The following SKAP2 variants were observed in gnomAD, a reference collection of about 807,000 sequenced individuals.
The protein encoded by SKAP2 is src kinase associated phosphoprotein 2.
A neutral mutation model predicts 54.9 loss-of-function variants in SKAP2; 28 were observed. The ratio of observed to expected loss-of-function variants is 0.51; its 90% confidence interval spans 0.38 to 0.70. The LOEUF (loss-of-function observed/expected upper bound fraction) is 0.70. Among genes scored for constraint, SKAP2 ranks in the 30% least tolerant of loss-of-function variants. The pLI is 0.00. For synonymous variants in SKAP2, 137 were observed against 134.3 expected (o/e 1.02, Z -0.14); for missense variants, 356 against 424.1 (o/e 0.84, Z 1.41).
At chr7:26,691,994 C>T (rs1786794312) in intron 9 of SKAP2, among the ~76,000 whole-genome samples, 1 of 151,916 alleles carries the variant, frequency 6.6e-6, no homozygotes, top group South Asian at 2.1e-4. Flanking sequence ...AGAGAAAGGG[C>T]AGGACTGAAG....
intron 4 of SKAP2, among the ~76,000 whole-genome samples, chr7:26,756,629 G>A (rs1277746345): frequency 3.9e-5 from 6 of 152,030 alleles, no homozygotes; most frequent in Non-Finnish European, 7.4e-5. Context: ...GAGTAGTGCC[G>A]CAATAAACAT....
At chr7:26,808,501 C>A (rs1001157283) in intron 4 of SKAP2, among the ~76,000 whole-genome samples, 3 of 152,072 alleles carry the variant, frequency 2.0e-5, no homozygotes, top group African/African-American at 7.2e-5. Context: ...TTAATGGATA[C>A]AGAGTTTCCG....
chr7:26,686,297 CT>C (rs1486843813), intron 10 of SKAP2, among the ~76,000 whole-genome samples: 1 of 151,996 alleles, frequency 6.6e-6, no homozygotes, highest in African/African-American at 2.4e-5. Flanking sequence ...AATTTTGTCT[CT>C]TGTTTTCTAA....
intron 9 of SKAP2, among the ~76,000 whole-genome samples, chr7:26,715,100 A>C (rs2127951652): frequency 6.6e-6 from 1 of 152,262 alleles, no homozygotes; most frequent in East Asian, 1.9e-4. Context: ...CACAGAAAAA[A>C]CATAAAAGCC....
At chr7:26,761,090 G>C (rs1213783198) in intron 4 of SKAP2, among the ~76,000 whole-genome samples, 2 of 152,124 alleles carry the variant, frequency 1.3e-5, no homozygotes, top group African/African-American at 2.4e-5. Flanking sequence ...CAGGGAAAAC[G>C]CAACTGGTCT....
Position 26,844,051 on chromosome 7 carries a change from C to T in SKAP2, c.286G>A (p.Asp96Asn). The T allele has an allele frequency of 1.2e-6, 2 of 1,610,194 alleles. No individual in the cohort carries two copies. Among genetic ancestry groups the T allele is most frequent in the Non-Finnish European group, 1.7e-6 (2 of 1,177,044 alleles). Reference sequence around the variant, plus strand: ...ATACCATCAGAGGGGGCTTCATCGTCTTTATCATATCGTTCTGAGGCTAAT... The same window carrying T: ...ATACCATCAGAGGGGGCTTCATCGTTTTTATCATATCGTTCTGAGGCTAAT... Reference protein sequence around the residue: ...ISLASERYDKDDEAPSDGAQF... With the variant: ...ISLASERYDKNDEAPSDGAQF... The change falls in exon 4 of 13, where the codon GAC becomes AAC. Residue 96 changes from aspartate to asparagine, a missense_variant. Coordinates refer to ENST00000345317, the MANE Select transcript of SKAP2 (RefSeq NM_003930.5).
At chr7:26,787,835 C>T (rs544282033) in intron 4 of SKAP2, among the ~76,000 whole-genome samples, 22 of 152,268 alleles carry the variant, frequency 1.4e-4, no homozygotes, top group African/African-American at 4.8e-4. Flanking sequence ...CAGGCCCCAC[C>T]TCTAACAGCG....
intron 4 of SKAP2, among the ~76,000 whole-genome samples, chr7:26,823,894 TC>T (rs1784435579): frequency 6.6e-6 from 1 of 152,198 alleles, no homozygotes; most frequent in Admixed American, 6.5e-5. Context: ...GAAAGTAGTT[TC>T]TTGTGATGGG....
chr7:26,791,479 A>G (rs1181490522), intron 4 of SKAP2, among the ~76,000 whole-genome samples: 2 of 151,982 alleles, frequency 1.3e-5, no homozygotes, highest in African/African-American at 4.8e-5. Context: ...ACCAGCCTCA[A>G]TACACAATTT....
At position 26,676,314 on chromosome 7, in the gene SKAP2, C is replaced by T. The variant is rs533545156; in HGVS notation, c.988-6122G>A. Reference sequence around the variant, plus strand: ...ATTCATGTAAGAATATTTAAGTAGCCAGTGCTGGGAAAAGCCAAGATCCTT... The same window carrying T: ...ATTCATGTAAGAATATTTAAGTAGCTAGTGCTGGGAAAAGCCAAGATCCTT... On this transcript the variant is annotated intron_variant, in intron 11 of 12. Coordinates refer to ENST00000345317, the MANE Select transcript of SKAP2 (RefSeq NM_003930.5). Among the ~76,000 whole-genome samples the T allele has an allele frequency of 2.0e-5, 3 of 152,212 alleles. No homozygotes were observed. In the South Asian group the frequency reaches 6.2e-4, roughly 32 times the overall value.
intron 11 of SKAP2, among the ~76,000 whole-genome samples, chr7:26,673,254 A>G (rs1786279795): frequency 6.6e-6 from 1 of 152,090 alleles, no homozygotes; most frequent in Non-Finnish European, 1.5e-5. Flanking sequence ...TCCTTCACCT[A>G]TTCAGCTCTT....
intron 3 of SKAP2, among the ~76,000 whole-genome samples, chr7:26,846,120 T>A (rs1211801207): frequency 6.6e-6 from 1 of 152,082 alleles, no homozygotes; most frequent in Non-Finnish European, 1.5e-5. Flanking sequence ...TTAATGAAAT[T>A]AAGAATTTTT....
chr7:26,859,093 T>A (rs1785232054), intron 1 of SKAP2, among the ~76,000 whole-genome samples: 1 of 151,862 alleles, frequency 6.6e-6, no homozygotes. Context: ...TAGCCGCAGA[T>A]CAATAAAATA....
At chr7:26,684,898 CCT>C in intron 10 of SKAP2, 50 bp from the exon 11 acceptor site, 1 of 1,043,406 alleles carries the variant, frequency 9.6e-7, no homozygotes, top group Non-Finnish European at 1.5e-6. Context: ...TGTAATAACC[CCT>C]CATTTCAAAA....
chr7:26,847,501 A>T (rs560171259), intron 3 of SKAP2, among the ~76,000 whole-genome samples: 112 of 147,026 alleles, frequency 7.6e-4, no homozygotes, highest in African/African-American at 2.7e-3. Context: ...TCGATAAATT[A>T]AAAAAAAAAA....
At chr7:26,790,421 T>C (rs972177662) in intron 4 of SKAP2, among the ~76,000 whole-genome samples, 4 of 152,210 alleles carry the variant, frequency 2.6e-5, no homozygotes, top group Admixed American at 6.5e-5. Flanking sequence ...AAATCTTACA[T>C]GTGAATTTTA....
chr7:26,733,434 G>A (rs1407377124), intron 6 of SKAP2, among the ~76,000 whole-genome samples: 4 of 151,738 alleles, frequency 2.6e-5, no homozygotes, highest in Non-Finnish European at 5.9e-5. Context: ...AAAAAGGTAA[G>A]CTTTTATGGC....
chr7:26,730,367 A>G (rs1562590179), intron 6 of SKAP2, among the ~76,000 whole-genome samples: 1 of 152,216 alleles, frequency 6.6e-6, no homozygotes, highest in African/African-American at 2.4e-5. Context: ...TGAAAGACTA[A>G]TATTTTATCT....
intron 4 of SKAP2, among the ~76,000 whole-genome samples, chr7:26,756,252 T>A (rs977824204): frequency 2.6e-5 from 4 of 152,214 alleles, no homozygotes; most frequent in African/African-American, 9.6e-5. Flanking sequence ...TATGTAAACA[T>A]CTGCCATGCT....
Sources: gnomAD v4.1 joint callset for allele counts (sites outside exome capture counted in the v4.1 genomes callset) on GRCh38, gnomAD v4.1.1 for gene constraint, MANE v1.5 for transcripts, NCBI Gene and HGNC (gene_info 2026-07-23, HGNC 2026-07-21) for gene names.